PREX1: variants seen among roughly 807,000 people sequenced by gnomAD.
The protein encoded by PREX1 is phosphatidylinositol-3,4,5-trisphosphate dependent Rac exchange factor 1, also known as phosphatidylinositol 3,4,5-trisphosphate-dependent Rac exchanger 1 protein.
Under a neutral mutation model 198.3 loss-of-function variants are expected in PREX1, and 41 were observed. The observed-to-expected ratio is 0.21, with a 90% CI of 0.16 to 0.27. The LOEUF (loss-of-function observed/expected upper bound fraction) is 0.27. PREX1 is among the 10% of genes least tolerant of loss of function. The probability of loss-of-function intolerance (pLI) is 1.00; values close to 1 mark genes in which losing one functional copy is unlikely to be tolerated. For missense variants in PREX1, 1,620 were observed against 2,200.7 expected, an observed-to-expected ratio of 0.74 and a Z score of 5.28; for synonymous variants, 843 against 887.2, an observed-to-expected ratio of 0.95 and a Z score of 0.89.
At chr20:48,789,992 T>A (rs1311037642) in intron 1 of PREX1, among the ~76,000 whole-genome samples, 2 of 152,148 alleles carry the variant, frequency 1.3e-5, no homozygotes, top group Non-Finnish European at 2.9e-5. Context: ...GCTCAACCAA[T>A]ATGCTGAATG....
intron 1 of PREX1, among the ~76,000 whole-genome samples, chr20:48,792,815 A>AAACAC (rs1555845875): frequency 1.3e-5 from 1 of 75,846 alleles, no homozygotes; most frequent in Non-Finnish European, 2.4e-5. Context: ...AAAAAAAAAA[A>AAACAC]ATACACACAC....
chr20:48,636,698 C>T lies in PREX1; in HGVS notation c.3947-15G>A, dbSNP rs1160877968. 3 of 1,583,178 alleles carry T rather than the reference C, an allele frequency of 1.9e-6. No homozygotes were observed. Among genetic ancestry groups the T allele is most frequent in the Admixed American group, 1.8e-5 (1 of 56,976 alleles). ...CAGCTCCGTGTCTGGGGGCAGAGGG[C>T]AGGAGGCCTTGCTGGAGGGGCGCTC... is the stretch of plus-strand genomic sequence containing the variant. On this transcript the variant is annotated splice_polypyrimidine_tract_variant and intron_variant, in intron 31 of 39. Coordinates refer to ENST00000371941, the MANE Select transcript of PREX1 (RefSeq NM_020820.4).
At chr20:48,630,505 G>A (rs1169861216) in intron 36 of PREX1, among the ~76,000 whole-genome samples, 2 of 152,260 alleles carry the variant, frequency 1.3e-5, no homozygotes, top group South Asian at 2.1e-4. Context: ...GATTGGAGTG[G>A]CAGAGATGGG....
At chr20:48,779,219 A>G (rs1348767244) in intron 1 of PREX1, among the ~76,000 whole-genome samples, 1 of 152,260 alleles carries the variant, frequency 6.6e-6, no homozygotes, top group East Asian at 1.9e-4. Flanking sequence ...AAGTATATAA[A>G]TGGTAAATAT....
chr20:48,672,579 G>A (rs924615709), intron 14 of PREX1, among the ~76,000 whole-genome samples: 15 of 152,212 alleles, frequency 9.9e-5, no homozygotes, highest in South Asian at 2.1e-4. Context: ...GCGCCCACGC[G>A]GCTTCCTCGC....
At chr20:48,881,771 C>A in the PREX1 span, among the ~76,000 whole-genome samples, 1 of 152,208 alleles carries the variant, frequency 6.6e-6, no homozygotes, top group Non-Finnish European at 1.5e-5. Flanking sequence ...AGGCGTAAGC[C>A]ACAGCACCTG....
intron 5 of PREX1, among the ~76,000 whole-genome samples, chr20:48,721,675 C>T (rs954786313): frequency 1.5e-4 from 23 of 152,128 alleles, no homozygotes; most frequent in Admixed American, 6.5e-4. Flanking sequence ...GAGGGTAGTC[C>T]GGGGAGGAGT....
At chr20:48,883,936 C>T in the PREX1 span, among the ~76,000 whole-genome samples, 1 of 151,946 alleles carries the variant, frequency 6.6e-6, no homozygotes, top group Admixed American at 6.6e-5. Context: ...GTCAGCAGAT[C>T]CAGACCATCC....
chr20:48,667,305 A>G lies in PREX1; in HGVS notation c.1666-950T>C, dbSNP rs59153840. Among the ~76,000 whole-genome samples the G allele has an allele frequency of 2.3e-3, 353 of 152,350 alleles. 3 individuals are homozygous for G. Among genetic ancestry groups the G allele is most frequent in the African/African-American group, 8.2e-3 (341 of 41,582 alleles). On this transcript the variant is annotated intron_variant, in intron 14 of 39. Coordinates refer to ENST00000371941, the MANE Select transcript of PREX1 (RefSeq NM_020820.4). ...CAAACCCTAATTTGGCTCAGCTTCCATAATTGTGTCTCTAATACTAGAAAT... is the reference window on the plus strand; with the variant it reads ...CAAACCCTAATTTGGCTCAGCTTCCGTAATTGTGTCTCTAATACTAGAAAT...
intron 13 of PREX1, among the ~76,000 whole-genome samples, chr20:48,678,538 C>T (rs1171685481): frequency 6.6e-6 from 1 of 152,104 alleles, no homozygotes; most frequent in Non-Finnish European, 1.5e-5. Context: ...GTGTCCCCAC[C>T]CAAATCTCAT....
At chr20:48,747,287 C>G (rs2090113142) in intron 2 of PREX1, among the ~76,000 whole-genome samples, 5 of 152,210 alleles carry the variant, frequency 3.3e-5, no homozygotes, top group Admixed American at 3.3e-4. Flanking sequence ...GAGAGCCAGG[C>G]TGGGGCTGAG....
At chr20:48,879,992 T>C in the PREX1 span, among the ~76,000 whole-genome samples, 3 of 152,214 alleles carry the variant, frequency 2.0e-5, no homozygotes, top group South Asian at 6.2e-4. Context: ...AAAAACTCAC[T>C]CTGCTGGAAA....
chr20:48,757,015 C>T (rs367906260), intron 1 of PREX1, among the ~76,000 whole-genome samples: 2 of 152,086 alleles, frequency 1.3e-5, no homozygotes, highest in African/African-American at 4.8e-5. Flanking sequence ...GGGAAAGACC[C>T]GCCCCCATGA....
chr20:48,666,367 C>A lies in PREX1; in HGVS notation c.1666-12G>T. On this transcript the variant is annotated splice_polypyrimidine_tract_variant and intron_variant, in intron 14 of 39. Transcript: ENST00000371941. The surrounding 1 kb of genome is among the most constrained non-coding windows in gnomAD (Gnocchi z 4.3). ...GTCTGGCAGTCTCCCTGGAATGGAA[C>A]AAGAAGGGGAGGGTGTTAGGTGGCA... The A allele has an allele frequency of 1.3e-6, 2 of 1,551,092 alleles. No individual in the cohort carries two copies. Among genetic ancestry groups the A allele is most frequent in the Non-Finnish European group, 1.7e-6 (2 of 1,147,934 alleles).
chr20:48,852,026 G>A, the PREX1 span, among the ~76,000 whole-genome samples: 3 of 151,900 alleles, frequency 2.0e-5, no homozygotes, highest in Non-Finnish European at 4.4e-5. Context: ...TAGCCCAAAC[G>A]TGTTTTGCTG....
At chr20:48,885,236 C>T in the PREX1 span, among the ~76,000 whole-genome samples, 1 of 152,214 alleles carries the variant, frequency 6.6e-6, no homozygotes, top group Non-Finnish European at 1.5e-5. Flanking sequence ...CAAACATTGT[C>T]CTGTTTCACT....
rs752699510 is a variant in PREX1, at chr20:48,658,161, G to C, written c.1949C>G (p.Ser650Cys). 4.3e-6 allele frequency: 7 copies of C among 1,614,046 alleles called. No homozygotes were observed. The African/African-American group carries it at 8.0e-5, about 18-fold the overall frequency. ...EEKNKAVVVKSVQRGSLAEVA... is the reference protein window; with the variant it reads ...EEKNKAVVVKCVQRGSLAEVA... ...CTCAGCCAGCGAGCCCCTCTGGACG[G>C]ACTTCACCACCACAGCCTTGTTCTT... Residue 650 changes from serine to cysteine, a missense_variant, in exon 17 of 40, where the codon TCC (serine) becomes TGC (cysteine). By Grantham distance (112) the Ser-to-Cys change is moderately radical. This residue lies in a region of PREX1 where 488 missense variants were observed against 802.5 expected (regional missense o/e 0.61). Coordinates refer to ENST00000371941, the MANE Select transcript of PREX1 (RefSeq NM_020820.4).
At chr20:48,849,932 A>G in the PREX1 span, among the ~76,000 whole-genome samples, 4 of 152,186 alleles carry the variant, frequency 2.6e-5, no homozygotes, top group East Asian at 1.9e-4. Flanking sequence ...CTCTGGAGCC[A>G]GATGTTCTGG....
intron 1 of PREX1, among the ~76,000 whole-genome samples, chr20:48,752,143 T>C (rs1568850875): frequency 6.6e-6 from 1 of 151,910 alleles, no homozygotes; most frequent in Non-Finnish European, 1.5e-5. Context: ...ATATCAAACC[T>C]CCATGTATTA....
Sources: gnomAD v4.1 joint callset for allele counts (sites outside exome capture counted in the v4.1 genomes callset) on GRCh38, gnomAD v4.1.1 for gene constraint, gnomAD v4.1.1 regional missense constraint, Gnocchi (gnomAD v3.1) non-coding constraint, MANE v1.5 for transcripts, NCBI Gene and HGNC (gene_info 2026-07-23, HGNC 2026-07-21) for gene names.